Variants in LY75 observed in about 807,000 individuals in gnomAD.
LY75 encodes the protein lymphocyte antigen 75.
Under a neutral mutation model 231.7 loss-of-function variants are expected in LY75, and 185 were observed. That is an observed-to-expected ratio of 0.80 (90% confidence interval 0.71 to 0.90). LY75 has a LOEUF of 0.90. Ranked by LOEUF, LY75 falls within the 40% of genes least tolerant of loss-of-function variation. The probability of loss-of-function intolerance (pLI) is 0.00; values close to 1 mark genes in which losing one functional copy is unlikely to be tolerated. For synonymous variants in LY75, 668 were observed against 689.0 expected, an observed-to-expected ratio of 0.97 and a Z score of 0.48; for missense variants, 1,947 against 2,050.2, an observed-to-expected ratio of 0.95 and a Z score of 0.97.
chr2:159,831,669 C>T lies in LY75; in HGVS notation c.3958+1G>A. 6.2e-7 allele frequency: 1 copy of T among 1,606,968 alleles called. No individual in the cohort carries two copies. Among genetic ancestry groups the T allele is most frequent in the Non-Finnish European group, 8.5e-7 (1 of 1,178,194 alleles). ...AGAAAGTTGGCAGATTTACAACTTA[C>T]TTCTATAAGTTATTCCTAACATGAC... On this transcript the variant is annotated splice_donor_variant, in intron 28 of 34. Coordinates refer to ENST00000263636, the MANE Select transcript of LY75 (RefSeq NM_002349.4). LOFTEE classifies it high-confidence loss of function.
In LY75 at chr2:159,860,883, T is replaced by C. The variant is rs1426094910; in HGVS notation, c.2206A>G (p.Thr736Ala). ...WQWSDRTPVS[T>A]IIMPNEFQQD... ...TGAAACTCATTTGGCATGATAATAG[T>C]AGACACCTGAAAAGACAAGAGAGGC... Residue 736 changes from threonine to alanine, a missense_variant, in exon 15 of 35, where the codon ACT (threonine) becomes GCT (alanine). Physicochemically the swap from Thr to Ala is moderately conservative, Grantham distance 58. Coordinates refer to ENST00000263636, the MANE Select transcript of LY75 (RefSeq NM_002349.4). 1 of 1,613,928 alleles carries C rather than the reference T, an allele frequency of 6.2e-7. No homozygotes were observed. The highest frequency in any genetic ancestry group is 1.1e-5 in the South Asian group (1 of 91,082).
At chr2:159,808,643 T>G in intron 32 of LY75, 72 bp from the exon 33 acceptor site, 1 of 1,570,198 alleles carries the variant, frequency 6.4e-7, no homozygotes, top group South Asian at 1.1e-5. Flanking sequence ...AACTAGCCAT[T>G]TGAAAAATAC....
chr2:159,858,314 C>G, intron 16 of LY75, 48 bp downstream of exon 16: 1 of 1,591,110 alleles, frequency 6.3e-7, no homozygotes, highest in South Asian at 1.1e-5. Context: ...GCTAGGCATT[C>G]ACAATGTTAA....
At chr2:159,826,995 C>T (rs1044732184) in intron 28 of LY75, among the ~76,000 whole-genome samples, 5 of 152,112 alleles carry the variant, frequency 3.3e-5, no homozygotes, top group African/African-American at 1.2e-4. Flanking sequence ...AGACCTATGA[C>T]CATAAAAATC....
chr2:159,850,789 T>TATATATATAAAA (rs1553805702), intron 21 of LY75, among the ~76,000 whole-genome samples: 7 of 88,660 alleles, frequency 7.9e-5, no homozygotes, highest in East Asian at 2.4e-4. Flanking sequence ...TATATATATA[T>TATATATATAAAA]ATATATATAT....
At chr2:159,815,605 C>A in intron 30 of LY75, 32 bp from the exon 31 acceptor site, 1 of 1,588,418 alleles carries the variant, frequency 6.3e-7, no homozygotes, top group Non-Finnish European at 8.5e-7. Context: ...TAACCTGAAT[C>A]CAGATGTTTG....
At chr2:159,863,517 C>T (rs1331519567) in intron 14 of LY75, among the ~76,000 whole-genome samples, 1 of 152,070 alleles carries the variant, frequency 6.6e-6, no homozygotes, top group Non-Finnish European at 1.5e-5. Context: ...TGATAACTTA[C>T]TATGGTTTTA....
At chr2:159,833,918 C>T (rs147443305) in intron 27 of LY75, 126 bp downstream of exon 27, 163 of 1,074,192 alleles carry the variant, frequency 1.5e-4, no homozygotes, top group Non-Finnish European at 1.8e-4. Context: ...TTGCCTTCTG[C>T]CATGATTGTG....
chr2:159,833,315 C>A (rs1319401382), intron 27 of LY75, among the ~76,000 whole-genome samples: 1 of 152,092 alleles, frequency 6.6e-6, no homozygotes, highest in African/African-American at 2.4e-5. Context: ...GAAAGTCTCA[C>A]TATGTTGCCC....
chr2:159,839,861 C>G (rs1022730003), intron 25 of LY75, among the ~76,000 whole-genome samples: 19 of 151,996 alleles, frequency 1.3e-4, no homozygotes, highest in African/African-American at 4.1e-4. Flanking sequence ...CAAAAATTAG[C>G]TGGGCGTGTT....
chr2:159,865,674 C>T (rs773680852), intron 13 of LY75, among the ~76,000 whole-genome samples: 6 of 152,072 alleles, frequency 3.9e-5, no homozygotes, highest in South Asian at 2.1e-4. Context: ...GAGGTCACTG[C>T]GGACTGCAGA....
chr2:159,831,831 A>AAAAGT, intron 27 of LY75, 45 bp from the exon 28 acceptor site: 1 of 1,499,708 alleles, frequency 6.7e-7, no homozygotes, highest in Non-Finnish European at 9.1e-7. Context: ...TTACTTATCT[A>AAAAGT]GTACACTTCT....
At chr2:159,834,580 T>C (rs1574541412) in intron 26 of LY75, among the ~76,000 whole-genome samples, 1 of 152,342 alleles carries the variant, frequency 6.6e-6, no homozygotes, top group East Asian at 1.9e-4. Context: ...TGAGAATTTA[T>C]TTTAAAGTTT....
At position 159,894,089 on chromosome 2, in the gene LY75, G is replaced by A; in HGVS notation, c.467-5C>T. ...TCCCATCTCTGGTATAGATCTCTGG[G>A]TTGGAGAGGAAGTTGGGGAAAAGAG... is the stretch of plus-strand genomic sequence containing the variant. On this transcript the variant is annotated splice_region_variant and splice_polypyrimidine_tract_variant and intron_variant, in intron 2 of 34. Coordinates refer to ENST00000263636, the MANE Select transcript of LY75 (RefSeq NM_002349.4). 1 of 1,587,262 alleles carries A rather than the reference G, an allele frequency of 6.3e-7. No individual in the cohort carries two copies. Among genetic ancestry groups the A allele is most frequent in the Non-Finnish European group, 8.6e-7 (1 of 1,168,210 alleles).
intron 2 of LY75, among the ~76,000 whole-genome samples, chr2:159,896,484 C>T (rs1685912558): frequency 6.6e-6 from 1 of 152,064 alleles, no homozygotes; most frequent in Non-Finnish European, 1.5e-5. Context: ...GTTTTAAGCC[C>T]TAGCTTTGCT....
At chr2:159,890,082 T>C in intron 4 of LY75, 131 bp downstream of exon 4, 1 of 1,185,852 alleles carries the variant, frequency 8.4e-7, no homozygotes, top group Admixed American at 3.0e-5. Context: ...TGGGTTTCAG[T>C]GTAGAAGTTT....
At chr2:159,808,688 C>G in intron 32 of LY75, 117 bp from the exon 33 acceptor site, 1 of 1,380,898 alleles carries the variant, frequency 7.2e-7, no homozygotes, top group Non-Finnish European at 9.5e-7. Context: ...TAAATTCAAG[C>G]CTTACACAGA....
At chr2:159,859,848 T>C (rs1684650574) in intron 15 of LY75, among the ~76,000 whole-genome samples, 1 of 152,212 alleles carries the variant, frequency 6.6e-6, no homozygotes, top group African/African-American at 2.4e-5. Context: ...GGCTGGCTCA[T>C]AAAGGAGTTA....
rs781404345 is a variant in LY75, at chr2:159,853,315, C to A, written c.2701G>T (p.Gly901Ter). 22 of 1,613,408 alleles carry A rather than the reference C, an allele frequency of 1.4e-5. No homozygotes were observed. In the South Asian group the frequency reaches 2.3e-4, roughly 17 times the overall value. Residue 901 changes from glycine (G) to a stop codon, truncating the protein, a stop_gained, in exon 20 of 35, where the codon GGA (glycine) becomes TGA (stop). Transcript: ENST00000263636. LOFTEE classifies it high-confidence loss of function. ...GCAGACATGTACAAGCATTCCTCTC[C>A]AAATGTCACAGGAAAGCGGTGCCAT... is the stretch of plus-strand genomic sequence containing the variant. ...YPWHRFPVTF[G>*]EECLYMSAKT...
Sources: allele counts gnomAD v4.1 joint callset (sites outside exome capture counted in the v4.1 genomes callset), GRCh38; gene constraint gnomAD v4.1.1; transcripts MANE v1.5; gene names NCBI Gene and HGNC (gene_info 2026-07-23, HGNC 2026-07-21).